FMN2: variants seen among roughly 807,000 people sequenced by gnomAD.
The protein encoded by FMN2 is formin-2.
A neutral mutation model predicts 142.3 loss-of-function variants in FMN2; 51 were observed. The observed-to-expected ratio is 0.36, with a 90% CI of 0.29 to 0.45. The LOEUF is 0.45. Among genes scored for constraint, FMN2 ranks in the 20% least tolerant of loss-of-function variants. FMN2 has a pLI of 1.00. For missense variants in FMN2, 1,936 were observed against 2,122.8 expected, an observed-to-expected ratio of 0.91 and a Z score of 1.73; for synonymous variants, 882 against 869.8, an observed-to-expected ratio of 1.01 and a Z score of -0.25.
rs1664990740 is a variant in FMN2 at position 240,177,963 on chromosome 1, C to T, written c.1825C>T (p.His609Tyr). The T allele has an allele frequency of 6.2e-7, 1 of 1,607,492 alleles. No individual in the cohort carries two copies. Among genetic ancestry groups the T allele is most frequent in the South Asian group, 1.1e-5 (1 of 89,378 alleles). Reference sequence around the variant, plus strand: ...CTGGGCTGCAGTTAGTCAACCCACACACTCATTGGACTATTCAGAAGGGCA... The same window carrying T: ...CTGGGCTGCAGTTAGTCAACCCACATACTCATTGGACTATTCAGAAGGGCA... Reference protein sequence around the residue: ...YTWAAVSQPTHSLDYSEGQFP... With the variant: ...YTWAAVSQPTYSLDYSEGQFP... The change falls in exon 3 of 18, where the codon CAC becomes TAC. Residue 609 changes from histidine to tyrosine, a missense_variant. By Grantham distance (83) the His-to-Tyr change is moderately conservative. Coordinates refer to ENST00000319653, the MANE Select transcript of FMN2 (RefSeq NM_020066.5).
chr1:240,300,955 T>C (rs1670179207), intron 8 of FMN2, among the ~76,000 whole-genome samples: 1 of 151,958 alleles, frequency 6.6e-6, no homozygotes, highest in Non-Finnish European at 1.5e-5. Context: ...TCTCTGTGTT[T>C]GAATTGCATC....
intron 15 of FMN2, among the ~76,000 whole-genome samples, chr1:240,426,533 T>C (rs1235075486): frequency 6.6e-6 from 1 of 152,158 alleles, no homozygotes; most frequent in Non-Finnish European, 1.5e-5. Flanking sequence ...AGTTAAAATA[T>C]GTGCAAAGGT....
Position 240,185,142 on chromosome 1 carries a change from TACCTTCCCCTTCTCTTTCTCCCTCCTAC to T in FMN2, c.1931-3059_1931-3032del, listed in dbSNP as rs1558345200. Among the ~76,000 whole-genome samples, 42 of 124,046 alleles carry T rather than the reference TACCTTCCCCTTCTCTTTCTCCCTCCTAC, an allele frequency of 3.4e-4. 1 individual carries two copies. Among genetic ancestry groups the T allele is most frequent in the East Asian group, 1.8e-3 (8 of 4,412 alleles). 81.4% of individuals were successfully genotyped at this position (124,046 alleles called of 152,430 possible). On this transcript the variant is annotated intron_variant, in intron 3 of 17. Coordinates refer to ENST00000319653, the MANE Select transcript of FMN2 (RefSeq NM_020066.5). The stretch of plus-strand genomic sequence containing the variant: ...TTCCCCCTTCTCTTTCTCCCTCCTA[TACCTTCCCCTTCTCTTTCTCCCTCCTAC>T]ACCTTTCCCCTTCTCTTTCTCCCTC...
intron 15 of FMN2, among the ~76,000 whole-genome samples, chr1:240,436,601 C>T (rs1306716700): frequency 2.7e-5 from 4 of 149,762 alleles, no homozygotes; most frequent in African/African-American, 4.9e-5. Flanking sequence ...CGCTTGTACC[C>T]GGGAAGTGGA....
intron 16 of FMN2, among the ~76,000 whole-genome samples, chr1:240,455,487 A>G (rs934991147): frequency 2.6e-5 from 4 of 152,194 alleles, no homozygotes; most frequent in African/African-American, 9.7e-5. Context: ...AAAAGTCCCA[A>G]CGCAGTGACT....
intron 6 of FMN2, among the ~76,000 whole-genome samples, chr1:240,242,567 A>G (rs1272707931): frequency 1.3e-5 from 2 of 152,220 alleles, no homozygotes; most frequent in Admixed American, 6.5e-5. Flanking sequence ...CATCCAGATG[A>G]TGTTACAACC....
chr1:240,257,711 A>G (rs1037071566), intron 6 of FMN2, among the ~76,000 whole-genome samples: 10 of 152,210 alleles, frequency 6.6e-5, no homozygotes, highest in Non-Finnish European at 1.5e-5. Flanking sequence ...GTTAAAAAAC[A>G]TGTCTTTGAG....
At chr1:240,297,086 G>A (rs1028973794) in intron 8 of FMN2, among the ~76,000 whole-genome samples, 6 of 152,042 alleles carry the variant, frequency 3.9e-5, no homozygotes, top group Non-Finnish European at 8.8e-5. Flanking sequence ...TTCTTCAGCA[G>A]GTCATAATGA....
At chr1:240,143,061 A>G (rs1663260964) in intron 2 of FMN2, 1 of 1,501,916 alleles carries the variant, frequency 6.7e-7, no homozygotes, top group African/African-American at 1.4e-5. Context: ...GTAGGGGCAG[A>G]GGGTAAGTGT....
chr1:240,201,095 T>C (rs1018061984), intron 4 of FMN2, among the ~76,000 whole-genome samples: 75 of 152,224 alleles, frequency 4.9e-4, no homozygotes, highest in African/African-American at 1.7e-3. Flanking sequence ...CTTTTTATTA[T>C]CTAAGTACCC....
At chr1:240,157,847 C>G (rs527536685) in intron 2 of FMN2, among the ~76,000 whole-genome samples, 75 of 151,724 alleles carry the variant, frequency 4.9e-4, no homozygotes, top group Non-Finnish European at 7.8e-4. Context: ...ATATATATCA[C>G]TGAAAAGGGC....
intron 8 of FMN2, among the ~76,000 whole-genome samples, chr1:240,308,784 C>A (rs1489338491): frequency 6.6e-6 from 1 of 152,106 alleles, no homozygotes; most frequent in African/African-American, 2.4e-5. Context: ...GAAGAATATG[C>A]CAGTAGAATT....
At chr1:240,333,585 T>C (rs1474708196) in intron 11 of FMN2, among the ~76,000 whole-genome samples, 1 of 151,980 alleles carries the variant, frequency 6.6e-6, no homozygotes, top group Non-Finnish European at 1.5e-5. Context: ...AAACACAAAA[T>C]AATAAAATAT....
At chr1:240,352,297 A>T (rs1333188282) in intron 13 of FMN2, among the ~76,000 whole-genome samples, 1 of 152,144 alleles carries the variant, frequency 6.6e-6, no homozygotes, top group African/African-American at 2.4e-5. Context: ...TGTCATGTGT[A>T]CGTTAGAAAC....
intron 4 of FMN2, among the ~76,000 whole-genome samples, chr1:240,194,897 C>T (rs1435424094): frequency 1.3e-5 from 2 of 152,120 alleles, no homozygotes; most frequent in African/African-American, 4.8e-5. Context: ...CTCTGTGTGC[C>T]TTAGTTTTCT....
intron 15 of FMN2, among the ~76,000 whole-genome samples, chr1:240,429,863 A>G (rs1305107264): frequency 6.7e-6 from 1 of 148,958 alleles, no homozygotes; most frequent in Non-Finnish European, 1.5e-5. Flanking sequence ...TGCTGTGAAC[A>G]TTCCTTTTTT....
rs79924930 is a variant in FMN2 at position 240,411,942 on chromosome 1, A to C, written c.4910+19380A>C. Among the ~76,000 whole-genome samples the C allele has an allele frequency of 2.0e-3, 311 of 152,338 alleles. 1 individual carries two copies. The highest frequency in any genetic ancestry group is 7.1e-3 in the African/African-American group (294 of 41,586). ...GTCCGAAGCTCAGGAGTGATGTGGC[A>C]GGCGGCTGAACTTTGTACATCCTCA... is the stretch of plus-strand genomic sequence containing the variant. On this transcript the variant is annotated intron_variant, in intron 15 of 17. Transcript: ENST00000319653.
chr1:240,405,553 T>G (rs1674119336), intron 15 of FMN2, among the ~76,000 whole-genome samples: 1 of 151,204 alleles, frequency 6.6e-6, no homozygotes, highest in Non-Finnish European at 1.5e-5. Context: ...GGGAGGCGGA[T>G]GTTGCGGTAA....
chr1:240,441,664 G>A (rs966727463), intron 16 of FMN2, among the ~76,000 whole-genome samples: 1 of 138,914 alleles, frequency 7.2e-6, no homozygotes, highest in Non-Finnish European at 1.5e-5. Context: ...ATCTGGATTA[G>A]TGTCCTCATA....
Sources: gnomAD v4.1 joint callset for allele counts (sites outside exome capture counted in the v4.1 genomes callset) on GRCh38, gnomAD v4.1.1 for gene constraint, MANE v1.5 for transcripts, NCBI Gene and HGNC (gene_info 2026-07-23, HGNC 2026-07-21) for gene names.